PPP2R5C: variants seen among roughly 807,000 people sequenced by gnomAD.
PPP2R5C encodes the protein protein phosphatase 2 regulatory subunit B'gamma, also known as serine/threonine-protein phosphatase 2A 56 kDa regulatory subunit gamma isoform.
A neutral mutation model predicts 68.9 loss-of-function variants in PPP2R5C; 7 were observed. The ratio of observed to expected loss-of-function variants is 0.10; its 90% CI spans 0.06 to 0.19. PPP2R5C has a LOEUF of 0.19. Ranked by LOEUF, PPP2R5C falls within the 10% of genes least tolerant of loss-of-function variation. PPP2R5C has a pLI of 1.00. For missense variants in PPP2R5C, 348 were observed against 641.3 expected (o/e 0.54, Z 4.94); for synonymous variants, 210 against 222.2 (o/e 0.95, Z 0.49).
In PPP2R5C at chr14:101,915,362, G is replaced by T. The variant is rs1020399694; in HGVS notation, c.1327-2469G>T. 1.3e-5 allele frequency among the ~76,000 whole-genome samples: 2 copies of T among 152,174 alleles called. No homozygotes were observed. Among genetic ancestry groups the T allele is most frequent in the Non-Finnish European group, 2.9e-5 (2 of 68,024 alleles). On this transcript the variant is annotated intron_variant, in intron 12 of 13. Coordinates refer to ENST00000334743, the Ensembl canonical transcript of PPP2R5C. This position sits in a 1 kb window ranked among gnomAD's most constrained non-coding sequence, Gnocchi z 4.2. ...CCCAGAGTGCTGGGATTACAGGTGTGAGCCACCGCACCTGGCCTTCAGTGA... is the reference window on the plus strand; with the variant it reads ...CCCAGAGTGCTGGGATTACAGGTGTTAGCCACCGCACCTGGCCTTCAGTGA...
intron 2 of PPP2R5C, among the ~76,000 whole-genome samples, chr14:101,784,108 C>T (rs2037972315): frequency 6.6e-6 from 1 of 152,202 alleles, no homozygotes; most frequent in South Asian, 2.1e-4. Context: ...GAGACCCCTG[C>T]CTCCCAGGTC....
chr14:101,845,138 TAA>T (rs560828976), intron 1 of PPP2R5C, among the ~76,000 whole-genome samples: 2 of 145,876 alleles, frequency 1.4e-5, no homozygotes, highest in Non-Finnish European at 1.5e-5. Flanking sequence ...TTTCCCTGTT[TAA>T]AAAAAAAAAA....
At position 101,825,730 on chromosome 14, in the gene PPP2R5C, GT is replaced by G. The variant is rs1386048286; in HGVS notation, c.94+15695del. On this transcript the variant is annotated intron_variant, in intron 1 of 13. Transcript: ENST00000334743. The surrounding 1 kb of genome is among the most constrained non-coding windows in gnomAD (Gnocchi z 4.0). ...CCTGTTCAGTTTTTGTAGGTGAATGGTAAAGCTGTCAAAACCAGATCTGCTG... is the reference window on the plus strand; with the variant it reads ...CCTGTTCAGTTTTTGTAGGTGAATGGAAAGCTGTCAAAACCAGATCTGCTG... 6.6e-6 allele frequency among the ~76,000 whole-genome samples: 1 copy of G among 152,210 alleles called. No homozygotes were observed. The highest frequency in any genetic ancestry group is 6.5e-5 in the Admixed American group (1 of 15,280).
intron 1 of PPP2R5C, among the ~76,000 whole-genome samples, chr14:101,850,986 C>T (rs961110515): frequency 2.0e-5 from 3 of 152,180 alleles, no homozygotes; most frequent in African/African-American, 7.2e-5. Context: ...AGAATAAATA[C>T]ATTTGAAAGA....
rs187557695 is a variant in PPP2R5C, at chr14:101,804,829, T to A, written c.259+18646T>A. ...CAGGGTGACTATAGTCAACAATAAC[T>A]TAATTGTACATTTTAAAATAACACT... is the stretch of plus-strand genomic sequence containing the variant. On this transcript the variant is annotated intron_variant, in intron 3 of 14. Coordinates refer to the PPP2R5C transcript ENST00000328724. Among the ~76,000 whole-genome samples, 837 of 152,254 alleles carry A rather than the reference T, an allele frequency of 5.5e-3. 5 individuals are homozygous for A. Among genetic ancestry groups the A allele is most frequent in the South Asian group, 0.011 (52 of 4,824 alleles).
intron 5 of PPP2R5C, among the ~76,000 whole-genome samples, chr14:101,889,065 C>G (rs1012946246): frequency 6.6e-6 from 1 of 152,206 alleles, no homozygotes; most frequent in African/African-American, 2.4e-5. Context: ...AGCACCACCT[C>G]TCAGTGCATT....
chr14:101,762,966 C>T (rs1241358618), exon 2 of PPP2R5C: 2 of 1,572,842 alleles, frequency 1.3e-6, no homozygotes, highest in South Asian at 2.3e-5. Flanking sequence ...ACAGTAGAAT[C>T]AGAGGTAACT....
At chr14:101,785,643 A>AT in intron 2 of PPP2R5C, among the ~76,000 whole-genome samples, 1 of 152,180 alleles carries the variant, frequency 6.6e-6, no homozygotes, top group East Asian at 1.9e-4. Context: ...CCATCTCAAG[A>AT]TTCTTAACTG....
In PPP2R5C at chr14:101,877,403, G is replaced by A. The variant is rs2043851400; in HGVS notation, c.295-4758G>A. Among the ~76,000 whole-genome samples, 1 of 152,174 alleles carries A rather than the reference G, an allele frequency of 6.6e-6. No individual in the cohort carries two copies. On this transcript the variant is annotated intron_variant, in intron 2 of 13. Transcript: ENST00000334743. This position sits in a 1 kb window ranked among gnomAD's most constrained non-coding sequence, Gnocchi z 4.2. ...TGATTCTGCGTCTGTGCCTCTGGGT[G>A]TGCGCTGGATCCGTAGGTCTCATTT... is the stretch of plus-strand genomic sequence containing the variant.
intron 2 of PPP2R5C, among the ~76,000 whole-genome samples, chr14:101,771,137 G>A (rs1156888296): frequency 6.6e-6 from 1 of 151,834 alleles, no homozygotes; most frequent in African/African-American, 2.4e-5. Flanking sequence ...TCCACCTGGG[G>A]GAGTGAGAGA....
chr14:101,816,268 A>T (rs181055804), intron 1 of PPP2R5C, among the ~76,000 whole-genome samples: 14 of 152,282 alleles, frequency 9.2e-5, no homozygotes, highest in African/African-American at 3.4e-4. Flanking sequence ...TCCCTGTCAC[A>T]CTGGAAATAG....
chr14:101,886,036 C>T (rs1002235035), intron 5 of PPP2R5C, among the ~76,000 whole-genome samples: 1 of 151,704 alleles, frequency 6.6e-6, no homozygotes, highest in Admixed American at 6.6e-5. Flanking sequence ...AATCCCAGCA[C>T]TTTGGGAGGC....
At chr14:101,773,520 G>C (rs2037259170) in intron 2 of PPP2R5C, among the ~76,000 whole-genome samples, 1 of 152,180 alleles carries the variant, frequency 6.6e-6, no homozygotes, top group Non-Finnish European at 1.5e-5. Context: ...AGGCCCCATG[G>C]AGGAAGTGAG....
intron 1 of PPP2R5C, among the ~76,000 whole-genome samples, chr14:101,840,121 T>C (rs1382105788): frequency 6.6e-6 from 1 of 152,206 alleles, no homozygotes; most frequent in Non-Finnish European, 1.5e-5. Context: ...TAGGTTTTTA[T>C]ATGGTCCTTC....
At chr14:101,873,086 G>A (rs1435204461) in intron 2 of PPP2R5C, among the ~76,000 whole-genome samples, 1 of 151,988 alleles carries the variant, frequency 6.6e-6, no homozygotes, top group East Asian at 1.9e-4. Flanking sequence ...AGCAATTAGA[G>A]ATCTGTGGGT....
intron 2 of PPP2R5C, among the ~76,000 whole-genome samples, chr14:101,769,459 T>C (rs1189260073): frequency 2.0e-5 from 3 of 152,182 alleles, no homozygotes; most frequent in African/African-American, 7.2e-5. Flanking sequence ...TGAAGTCAGT[T>C]AGGTTGCTGA....
At chr14:101,897,010 C>T (rs1332444678) in intron 8 of PPP2R5C, among the ~76,000 whole-genome samples, 3 of 152,180 alleles carry the variant, frequency 2.0e-5, no homozygotes, top group Non-Finnish European at 4.4e-5. Context: ...AAGAAGAGCT[C>T]TTGTCCTATG....
chr14:101,816,056 A>G (rs909880102), intron 1 of PPP2R5C, among the ~76,000 whole-genome samples: 2 of 152,218 alleles, frequency 1.3e-5, no homozygotes, highest in Non-Finnish European at 2.9e-5. Context: ...TCAATCCTCT[A>G]TACGCTGTAG....
In PPP2R5C at chr14:101,876,913, A is replaced by G. The variant is rs1169601018; in HGVS notation, c.295-5248A>G. Among the ~76,000 whole-genome samples the G allele has an allele frequency of 3.3e-5, 5 of 151,240 alleles. No homozygotes were observed. In the South Asian group the frequency reaches 8.4e-4, roughly 25 times the overall value. ...TTTCTGTGATTCTCACCACAGCCCA[A>G]TGCAAAAAATAAAAAAAGGATTTAC... On this transcript the variant is annotated intron_variant, in intron 2 of 13. Coordinates refer to ENST00000334743, the Ensembl canonical transcript of PPP2R5C.
Sources: allele counts gnomAD v4.1 joint callset (sites outside exome capture counted in the v4.1 genomes callset), GRCh38; gene constraint gnomAD v4.1.1; non-coding constraint Gnocchi (gnomAD v3.1); transcripts MANE v1.5; gene names NCBI Gene and HGNC (gene_info 2026-07-23, HGNC 2026-07-21).